Variants in MRAS observed in about 807,000 individuals in gnomAD.
The protein encoded by MRAS is muscle RAS oncogene homolog, also known as ras-related protein M-Ras.
In MRAS, 4 loss-of-function variants were observed where a neutral mutation model predicts 20.9. The observed-to-expected ratio is 0.19, with a 90% CI of 0.09 to 0.44. The LOEUF (loss-of-function observed/expected upper bound fraction) is 0.44, where lower values mean the gene tolerates loss of function less well. Ranked by LOEUF, MRAS falls within the 20% of genes least tolerant of loss-of-function variation. MRAS has a pLI of 0.99. For synonymous variants in MRAS, 98 were observed against 102.9 expected (o/e 0.95, Z 0.29); for missense variants, 154 against 277.5 (o/e 0.56, Z 3.16).
At chr3:138,394,688 C>A (rs553229518) in intron 2 of MRAS, among the ~76,000 whole-genome samples, 1 of 152,206 alleles carries the variant, frequency 6.6e-6, no homozygotes, top group African/African-American at 2.4e-5. Context: ...TCCCCCAAAC[C>A]CTGTTTCTCA....
Position 138,404,735 on chromosome 3 carries a change from GC to G in MRAS, c.*2468del, listed in dbSNP as rs1353178859. 1.3e-5 allele frequency: 2 copies of G among 152,124 alleles called. No homozygotes were observed. The highest frequency in any genetic ancestry group is 2.9e-5 in the Non-Finnish European group (2 of 68,024). The allele number at this position is 152,124 out of a possible 1,614,324, so 9.4% of individuals were successfully genotyped here. Reference sequence around the variant, plus strand: ...CATGACTGAGGTAGCTTCCAGATAGGCCAGAGTAGAGTGTAGAGTGTGCCCC... The same window carrying G: ...CATGACTGAGGTAGCTTCCAGATAGGCAGAGTAGAGTGTAGAGTGTGCCCC... On this transcript the variant is annotated 3_prime_UTR_variant, in exon 6 of 6. Transcript: ENST00000423968.
intron 2 of MRAS, among the ~76,000 whole-genome samples, chr3:138,385,006 T>C (rs1389181610): frequency 1.3e-5 from 2 of 151,584 alleles, no homozygotes; most frequent in East Asian, 3.9e-4. Context: ...TGGTTGGAGA[T>C]GAAAGTCTAA....
At chr3:138,358,072 C>T (rs543855305) in intron 1 of MRAS, among the ~76,000 whole-genome samples, 1 of 152,276 alleles carries the variant, frequency 6.6e-6, no homozygotes, top group Non-Finnish European at 1.5e-5. Context: ...TGGTGGCTCA[C>T]GCCTGTAATC....
chr3:138,388,480 C>G (rs963043707), intron 2 of MRAS, among the ~76,000 whole-genome samples: 4 of 152,124 alleles, frequency 2.6e-5, no homozygotes, highest in Non-Finnish European at 5.9e-5. Context: ...GGGCGGATCA[C>G]TTGAGGCCAG....
At chr3:138,375,540 C>T (rs1035433160) in intron 2 of MRAS, among the ~76,000 whole-genome samples, 8 of 151,946 alleles carry the variant, frequency 5.3e-5, no homozygotes, top group Admixed American at 2.0e-4. Flanking sequence ...GACAGGGTCT[C>T]GCTCTGTTAC....
At chr3:138,374,194 C>T (rs1273803655) in intron 2 of MRAS, among the ~76,000 whole-genome samples, 5 of 152,030 alleles carry the variant, frequency 3.3e-5, no homozygotes, top group African/African-American at 4.8e-5. Flanking sequence ...ATCTCCGGAC[C>T]TCGTGATCCG....
intron 1 of MRAS, among the ~76,000 whole-genome samples, chr3:138,368,093 C>T (rs1040766982): frequency 6.6e-6 from 1 of 152,200 alleles, no homozygotes; most frequent in Non-Finnish European, 1.5e-5. Flanking sequence ...GGCTGCTGTT[C>T]CCAAAGTTGG....
At chr3:138,397,520 G>T in intron 3 of MRAS, 43 bp downstream of exon 3, 1 of 1,608,662 alleles carries the variant, frequency 6.2e-7, no homozygotes. Flanking sequence ...AGAGGCCTGC[G>T]CCTGCCTCCT....
chr3:138,370,912 CCTGT>C (rs2054661650), intron 1 of MRAS, among the ~76,000 whole-genome samples: 1 of 152,142 alleles, frequency 6.6e-6, no homozygotes, highest in Non-Finnish European at 1.5e-5. Flanking sequence ...TGTTTTGCAG[CCTGT>C]CTTTTTTTCA....
intron 2 of MRAS, among the ~76,000 whole-genome samples, chr3:138,394,895 C>T (rs748180034): frequency 2.0e-5 from 3 of 152,196 alleles, no homozygotes; most frequent in South Asian, 2.1e-4. Flanking sequence ...TCCCCGCCCT[C>T]GGCTCCACCA....
Position 138,397,364 on chromosome 3 carries a change from G to A in MRAS, c.234G>A (p.Arg78=), listed in dbSNP as rs1560187134. Residue 78 remains arginine (R), a synonymous_variant, in exon 3 of 6, where the codon CGG becomes CGA. Coordinates refer to ENST00000423968, the MANE Select transcript of MRAS (RefSeq NM_001085049.3). ...TAGQEEFSAM[R]EQYMRTGDGF... is the part of the protein sequence containing the mutation. The stretch of plus-strand genomic sequence containing the variant: ...GGCAGGAGGAATTCAGCGCCATGCG[G>A]GAGCAATACATGCGCACGGGGGATG... 1 of 1,614,146 alleles carries A rather than the reference G, an allele frequency of 6.2e-7. No individual in the cohort carries two copies. Among genetic ancestry groups the A allele is most frequent in the Admixed American group, 1.7e-5 (1 of 60,020 alleles).
intron 3 of MRAS, among the ~76,000 whole-genome samples, 181 bp downstream of exon 3, chr3:138,397,658 T>C (rs1052942414): frequency 2.0e-4 from 30 of 152,334 alleles, no homozygotes; most frequent in African/African-American, 6.7e-4. Context: ...TTTGGCCTTG[T>C]TGATTCTCAA....
intron 1 of MRAS, among the ~76,000 whole-genome samples, chr3:138,354,928 G>A (rs1350147863): frequency 1.3e-5 from 2 of 152,000 alleles, no homozygotes; most frequent in Non-Finnish European, 2.9e-5. Flanking sequence ...CTATAGGCAT[G>A]TGCCACCATG....
intron 1 of MRAS, among the ~76,000 whole-genome samples, chr3:138,352,522 A>G (rs2054248902): frequency 6.6e-6 from 1 of 152,164 alleles, no homozygotes; most frequent in African/African-American, 2.4e-5. Context: ...TGTTATATAT[A>G]AAAATGTATT....
rs544344246 is a variant in MRAS at position 138,353,988 on chromosome 3, C to T, written c.-19+5221C>T. Among the ~76,000 whole-genome samples, 6 of 152,218 alleles carry T rather than the reference C, an allele frequency of 3.9e-5. No homozygotes were observed. In the South Asian group the frequency reaches 1.2e-3, roughly 32 times the overall value. On this transcript the variant is annotated intron_variant, in intron 1 of 5. Coordinates refer to ENST00000423968, the MANE Select transcript of MRAS (RefSeq NM_001085049.3). ...CTGGGTGACCAAAAATGTCATGATC[C>T]CTTCTCTCCTGGTGCTTAGGGGACC...
At position 138,353,256 on chromosome 3, in the gene MRAS, A is replaced by T. The variant is rs114233940; in HGVS notation, c.-19+4489A>T. On this transcript the variant is annotated intron_variant, in intron 1 of 5. Transcript: ENST00000423968. ...TTAAGGCTAAAGAAGTATTTTAAGT[A>T]AAAAAAAAGAAAATTTTTAAAAGTA... Among the ~76,000 whole-genome samples, 1,253 of 151,620 alleles carry T rather than the reference A, an allele frequency of 8.3e-3. 18 individuals are homozygous for T. Among genetic ancestry groups the T allele is most frequent in the African/African-American group, 0.029 (1,202 of 41,328 alleles).
At chr3:138,367,286 C>T (rs757663971) in intron 1 of MRAS, among the ~76,000 whole-genome samples, 7 of 152,134 alleles carry the variant, frequency 4.6e-5, no homozygotes, top group African/African-American at 2.4e-5. Context: ...CTTCCTGGGG[C>T]CTTGTTCTCC....
rs2054986849 is a variant in MRAS, at chr3:138,385,229, A to G, written c.194-12095A>G. On this transcript the variant is annotated intron_variant, in intron 2 of 5. Transcript: ENST00000423968. ...GTCACCCAGGCTGGAGTTCAGTGGCATGATCATGACTCACTGCAGCCTTGA... is the reference window on the plus strand; with the variant it reads ...GTCACCCAGGCTGGAGTTCAGTGGCGTGATCATGACTCACTGCAGCCTTGA... 3.1e-5 allele frequency among the ~76,000 whole-genome samples: 4 copies of G among 130,568 alleles called. No homozygotes were observed. In the South Asian group the frequency reaches 9.5e-4, roughly 31 times the overall value. 85.7% of individuals were successfully genotyped at this position (130,568 alleles called of 152,430 possible).
At chr3:138,362,369 A>T (rs1374349080) in intron 1 of MRAS, among the ~76,000 whole-genome samples, 1 of 152,016 alleles carries the variant, frequency 6.6e-6, no homozygotes, top group Non-Finnish European at 1.5e-5. Context: ...CCCTTGGTAA[A>T]ATGGGGATAA....
Sources: gnomAD v4.1 joint callset for allele counts (sites outside exome capture counted in the v4.1 genomes callset) on GRCh38, gnomAD v4.1.1 for gene constraint, MANE v1.5 for transcripts, NCBI Gene and HGNC (gene_info 2026-07-23, HGNC 2026-07-21) for gene names.